MTHFD2L: variants seen among roughly 807,000 people sequenced by gnomAD.
The protein encoded by MTHFD2L is bifunctional methylenetetrahydrofolate dehydrogenase/cyclohydrolase 2, mitochondrial.
A neutral mutation model predicts 34.9 loss-of-function variants in MTHFD2L; 29 were observed. That is an observed-to-expected ratio of 0.83 (90% CI 0.62 to 1.13). MTHFD2L has a LOEUF of 1.13. MTHFD2L is among the 50% of genes most tolerant of loss of function. The pLI, the probability that MTHFD2L is intolerant of heterozygous loss-of-function variation, is 0.00. For missense variants in MTHFD2L, 481 were observed against 446.5 expected (o/e 1.08, Z -0.70); for synonymous variants, 167 against 155.7 (o/e 1.07, Z -0.54).
chr4:74,246,069 G>C (rs903286156), intron 6 of MTHFD2L, among the ~76,000 whole-genome samples: 41 of 142,554 alleles, frequency 2.9e-4, no homozygotes, highest in African/African-American at 9.0e-4. Flanking sequence ...TTCCACAATG[G>C]TTGAACTAGT....
intron 7 of MTHFD2L, among the ~76,000 whole-genome samples, chr4:74,287,317 G>C (rs1206031125): frequency 6.6e-6 from 1 of 152,136 alleles, no homozygotes; most frequent in Non-Finnish European, 1.5e-5. Flanking sequence ...GTTATGTTCA[G>C]TGCATGTATC....
chr4:74,189,127 A>G (rs1013037955), intron 3 of MTHFD2L, among the ~76,000 whole-genome samples: 1 of 152,108 alleles, frequency 6.6e-6, no homozygotes, highest in African/African-American at 2.4e-5. Context: ...GTAGATTTGC[A>G]TATGCCTAAT....
chr4:74,223,679 T>C (rs2110117200), intron 5 of MTHFD2L, among the ~76,000 whole-genome samples: 1 of 152,190 alleles, frequency 6.6e-6, no homozygotes, highest in East Asian at 1.9e-4. Flanking sequence ...GTCATAATGT[T>C]CAACTTTTCC....
At chr4:74,214,444 A>G (rs1736855809) in intron 5 of MTHFD2L, among the ~76,000 whole-genome samples, 1 of 151,562 alleles carries the variant, frequency 6.6e-6, no homozygotes, top group Admixed American at 6.6e-5. Context: ...TCTGTTTGGT[A>G]GTTTTCCTTC....
intron 1 of MTHFD2L, among the ~76,000 whole-genome samples, chr4:74,168,089 C>T (rs1358705653): frequency 6.6e-6 from 1 of 152,194 alleles, no homozygotes; most frequent in Non-Finnish European, 1.5e-5. Context: ...CCCTTGATCT[C>T]ATAGAGTCTA....
intron 1 of MTHFD2L, among the ~76,000 whole-genome samples, chr4:74,147,930 T>C (rs1187935617): frequency 1.3e-5 from 2 of 152,164 alleles, no homozygotes; most frequent in African/African-American, 4.8e-5. Flanking sequence ...AAATATATAA[T>C]TTGCAAATAT....
chr4:74,159,180 T>G (rs1430154842), intron 1 of MTHFD2L, among the ~76,000 whole-genome samples: 1 of 152,218 alleles, frequency 6.6e-6, no homozygotes, highest in Non-Finnish European at 1.5e-5. Context: ...TTGTGTACAT[T>G]TAGATCTTAG....
chr4:74,264,555 TAG>T (rs908819711), intron 6 of MTHFD2L, among the ~76,000 whole-genome samples: 2 of 152,000 alleles, frequency 1.3e-5, no homozygotes, highest in African/African-American at 4.8e-5. Context: ...GAGAAAAAAT[TAG>T]AGTGTTAGAA....
chr4:74,266,297 G>T (rs151269996), intron 6 of MTHFD2L, among the ~76,000 whole-genome samples: 54 of 152,094 alleles, frequency 3.6e-4, no homozygotes, highest in African/African-American at 1.3e-3. Flanking sequence ...ATCTGATTTG[G>T]TCCTTGTCCA....
At chr4:74,285,125 G>T (rs1209248000) in intron 7 of MTHFD2L, among the ~76,000 whole-genome samples, 1 of 151,794 alleles carries the variant, frequency 6.6e-6, no homozygotes, top group Non-Finnish European at 1.5e-5. Context: ...TCATTCATAG[G>T]TGGGAACTGA....
chr4:74,255,022 C>G (rs1743823145), intron 6 of MTHFD2L, among the ~76,000 whole-genome samples: 1 of 150,168 alleles, frequency 6.7e-6, no homozygotes, highest in East Asian at 2.0e-4. Flanking sequence ...GTAATCCCAG[C>G]TACTCGGGAG....
chr4:74,248,652 A>ATG (rs1480760535), intron 6 of MTHFD2L, among the ~76,000 whole-genome samples: 1 of 148,784 alleles, frequency 6.7e-6, no homozygotes, highest in Non-Finnish European at 1.5e-5. Context: ...ACTGCTTTGA[A>ATG]TGTGTCCCAG....
At chr4:74,141,677 GT>G (rs1467624139) in intron 1 of MTHFD2L, among the ~76,000 whole-genome samples, 1 of 152,098 alleles carries the variant, frequency 6.6e-6, no homozygotes, top group Non-Finnish European at 1.5e-5. Flanking sequence ...ACCTTTTAGT[GT>G]TTTAGTTTCC....
chr4:74,144,127 T>A (rs897337534), intron 1 of MTHFD2L, among the ~76,000 whole-genome samples: 9 of 152,164 alleles, frequency 5.9e-5, no homozygotes, highest in African/African-American at 1.9e-4. Flanking sequence ...CCTCAGTACA[T>A]AAGATTTTTT....
chr4:74,240,945 A>G (rs1344137467), intron 6 of MTHFD2L, among the ~76,000 whole-genome samples: 2 of 152,224 alleles, frequency 1.3e-5, no homozygotes, highest in African/African-American at 4.8e-5. Flanking sequence ...AATTAAATGG[A>G]TAAATCATGT....
intron 5 of MTHFD2L, among the ~76,000 whole-genome samples, chr4:74,209,407 G>A (rs758369347): frequency 9.9e-5 from 15 of 152,054 alleles, no homozygotes; most frequent in Admixed American, 6.6e-4. Flanking sequence ...ATGTGTTCTC[G>A]TTGTTCAACT....
chr4:74,220,875 ATTTG>A (rs1224639869), intron 5 of MTHFD2L, among the ~76,000 whole-genome samples: 2 of 149,884 alleles, frequency 1.3e-5, no homozygotes, highest in Non-Finnish European at 3.0e-5. Context: ...TTCTAGTTTC[ATTTG>A]TTTATTGTTC....
At chr4:74,211,601 G>T (rs1346082998) in intron 5 of MTHFD2L, among the ~76,000 whole-genome samples, 1 of 152,166 alleles carries the variant, frequency 6.6e-6, no homozygotes, top group Non-Finnish European at 1.5e-5. Flanking sequence ...TTTTACTGAG[G>T]ACTTTCACAT....
intron 1 of MTHFD2L, among the ~76,000 whole-genome samples, chr4:74,167,273 A>T (rs1215131138): frequency 1.3e-5 from 2 of 152,196 alleles, no homozygotes; most frequent in African/African-American, 4.8e-5. Flanking sequence ...AAGAATCTCT[A>T]GATCCACTGA....
Sources: gnomAD v4.1 joint callset for allele counts (sites outside exome capture counted in the v4.1 genomes callset) on GRCh38, gnomAD v4.1.1 for gene constraint, MANE v1.5 for transcripts, NCBI Gene and HGNC (gene_info 2026-07-23, HGNC 2026-07-21) for gene names.